Variants in METTL15 observed in about 807,000 individuals in gnomAD.
METTL15 encodes 12S rRNA N(4)-cytidine methyltransferase METTL15.
Under a neutral mutation model 38.3 loss-of-function variants are expected in METTL15, and 34 were observed. That is an observed-to-expected ratio of 0.89 (90% CI 0.68 to 1.18). METTL15 has a LOEUF of 1.18. METTL15 is among the 50% of genes most tolerant of loss of function. The pLI is 0.00. For synonymous variants in METTL15, 162 were observed against 170.9 expected (o/e 0.95, Z 0.41); for missense variants, 438 against 498.4 (o/e 0.88, Z 1.15).
intron 5 of METTL15, among the ~76,000 whole-genome samples, chr11:28,370,304 A>ATGCCATAT (rs71449176): frequency 8.6e-5 from 13 of 151,012 alleles, no homozygotes; most frequent in Non-Finnish European, 1.6e-4. Context: ...GAGTGAGAAC[A>ATGCCATAT]TGCAATATTT....
intron 4 of METTL15, among the ~76,000 whole-genome samples, chr11:28,232,683 T>C (rs937436407): frequency 3.3e-5 from 5 of 152,132 alleles, no homozygotes; most frequent in Non-Finnish European, 4.4e-5. Flanking sequence ...TAGGATTCTC[T>C]ATACTAAAAT....
intron 6 of METTL15, among the ~76,000 whole-genome samples, chr11:28,318,105 A>G (rs1004712293): frequency 6.6e-6 from 1 of 152,210 alleles, no homozygotes; most frequent in Non-Finnish European, 1.5e-5. Context: ...ATAAAATTGC[A>G]TGTACATGCA....
intron 6 of METTL15, among the ~76,000 whole-genome samples, chr11:28,494,054 C>A (rs1392692467): frequency 6.6e-6 from 1 of 152,202 alleles, no homozygotes; most frequent in African/African-American, 2.4e-5. Flanking sequence ...GCTGTGTGTC[C>A]TTGGACAAAT....
chr11:28,108,830 A>C lies in METTL15; in HGVS notation c.-254+378A>C, dbSNP rs773413927. Reference sequence around the variant, plus strand: ...GCTTGGTTTATTATTAGGTGAAGTGATTTTTTTTAAGTCCCAGGTTATAGA... The same window carrying C: ...GCTTGGTTTATTATTAGGTGAAGTGCTTTTTTTTAAGTCCCAGGTTATAGA... On this transcript the variant is annotated intron_variant, in intron 1 of 6. Transcript: ENST00000407364. Among the ~76,000 whole-genome samples the C allele has an allele frequency of 3.3e-5, 5 of 152,126 alleles. No individual in the cohort carries two copies. In the South Asian group the frequency reaches 8.3e-4, roughly 25 times the overall value.
intron 3 of METTL15, among the ~76,000 whole-genome samples, chr11:28,209,822 C>T (rs1852547287): frequency 6.6e-6 from 1 of 151,966 alleles, no homozygotes; most frequent in African/African-American, 2.4e-5. Context: ...TATTCAAATC[C>T]ATGACAGGAA....
chr11:28,239,131 A>G (rs36094062), intron 4 of METTL15, among the ~76,000 whole-genome samples: 1 of 152,026 alleles, frequency 6.6e-6, no homozygotes, highest in Non-Finnish European at 1.5e-5. Flanking sequence ...CTACACATTG[A>G]TGACTCCAGA....
intron 5 of METTL15, among the ~76,000 whole-genome samples, chr11:28,374,001 C>A (rs1262019024): frequency 2.0e-5 from 3 of 152,100 alleles, no homozygotes; most frequent in Admixed American, 6.5e-5. Flanking sequence ...TTTCTGAGGG[C>A]TCTGTTCTGT....
chr11:28,466,063 T>C (rs1032491653), intron 6 of METTL15, among the ~76,000 whole-genome samples: 3 of 152,180 alleles, frequency 2.0e-5, no homozygotes, highest in Admixed American at 1.3e-4. Flanking sequence ...CTATCTTCAA[T>C]TGAAGTCGGG....
At chr11:28,374,811 A>G (rs1258997018) in intron 5 of METTL15, among the ~76,000 whole-genome samples, 3 of 150,658 alleles carry the variant, frequency 2.0e-5, no homozygotes, top group East Asian at 3.9e-4. Context: ...TTTGTCATAG[A>G]TAGCTCTTAT....
intron 4 of METTL15, among the ~76,000 whole-genome samples, chr11:28,218,023 C>T (rs555902591): frequency 1.1e-4 from 17 of 151,824 alleles, no homozygotes; most frequent in Admixed American, 5.3e-4. Context: ...TTTGGCTTAG[C>T]GTGACTTGGC....
At chr11:28,447,170 C>T (rs1312576628) in intron 6 of METTL15, among the ~76,000 whole-genome samples, 1 of 152,076 alleles carries the variant, frequency 6.6e-6, no homozygotes, top group Admixed American at 6.6e-5. Context: ...TTGTTCTCTT[C>T]CTTGATTAAC....
At chr11:28,516,941 A>G (rs1357343605) in intron 6 of METTL15, 1 of 152,252 alleles carries the variant, frequency 6.6e-6, no homozygotes, top group African/African-American at 2.4e-5. Context: ...GGGGCAAAAT[A>G]TTAGAACTTG....
chr11:28,390,376 T>A (rs1386585341), intron 5 of METTL15, among the ~76,000 whole-genome samples: 1 of 151,950 alleles, frequency 6.6e-6, no homozygotes, highest in African/African-American at 2.4e-5. Flanking sequence ...AATATTTAAG[T>A]CTTTAATCCA....
At chr11:28,387,404 A>G (rs913707401) in intron 5 of METTL15, among the ~76,000 whole-genome samples, 1 of 151,974 alleles carries the variant, frequency 6.6e-6, no homozygotes, top group Admixed American at 6.6e-5. Context: ...TCATGATATA[A>G]TAGTATGAAT....
At chr11:28,464,073 C>T (rs773195808) in intron 6 of METTL15, among the ~76,000 whole-genome samples, 3 of 152,016 alleles carry the variant, frequency 2.0e-5, no homozygotes, top group Non-Finnish European at 4.4e-5. Flanking sequence ...AAAGTTGAAT[C>T]GTGTTTGATT....
At chr11:28,240,163 T>A (rs995635337) in intron 4 of METTL15, among the ~76,000 whole-genome samples, 5 of 152,190 alleles carry the variant, frequency 3.3e-5, no homozygotes, top group Admixed American at 6.5e-5. Flanking sequence ...CCTGTAATAC[T>A]TGACTTTTCA....
chr11:28,398,947 A>G (rs748659694), intron 5 of METTL15: 4 of 152,056 alleles, frequency 2.6e-5, no homozygotes, highest in Non-Finnish European at 5.9e-5. Flanking sequence ...AGAAAAAGCT[A>G]CTTTAAATTT....
chr11:28,476,337 C>T (rs1189678980), intron 6 of METTL15, among the ~76,000 whole-genome samples: 2 of 152,094 alleles, frequency 1.3e-5, no homozygotes, highest in Non-Finnish European at 2.9e-5. Context: ...TGGATAAAAC[C>T]TCATTTTTCT....
At chr11:28,401,892 T>G (rs1050298973) in intron 5 of METTL15, among the ~76,000 whole-genome samples, 1 of 152,044 alleles carries the variant, frequency 6.6e-6, no homozygotes, top group South Asian at 2.1e-4. Context: ...TGAAAAATAT[T>G]ATAATGTTAA....
Sources: gnomAD v4.1 joint callset for allele counts (sites outside exome capture counted in the v4.1 genomes callset) on GRCh38, gnomAD v4.1.1 for gene constraint, MANE v1.5 for transcripts, NCBI Gene and HGNC (gene_info 2026-07-23, HGNC 2026-07-21) for gene names.